Variants in NRXN3 observed in about 807,000 individuals in gnomAD.
The protein encoded by NRXN3 is neurexin 3.
NRXN3 carries 32 observed loss-of-function variants against 137.6 expected under a neutral mutation model. The observed-to-expected ratio is 0.23, with a 90% CI of 0.18 to 0.31. The LOEUF (loss-of-function observed/expected upper bound fraction) is 0.31, where lower values mean the gene tolerates loss of function less well. Ranked by LOEUF, NRXN3 falls within the 10% of genes least tolerant of loss-of-function variation. The pLI is 1.00. For synonymous variants in NRXN3, 798 were observed against 784.5 expected, an observed-to-expected ratio of 1.02 and a Z score of -0.29; for missense variants, 1,574 against 2,062.5, an observed-to-expected ratio of 0.76 and a Z score of 4.59.
rs147395683 is a variant in NRXN3, at chr14:78,948,374, A to G, written c.2276-8868A>G. 7.2e-5 allele frequency among the ~76,000 whole-genome samples: 11 copies of G among 152,208 alleles called. No individual in the cohort carries two copies. The East Asian group carries it at 1.7e-3, about 24-fold the overall frequency. ...CTAGGGTATTCTTGCCCTCACTCCC[A>G]TTTCTTGGTTGCTCTTTCTTGCAGG... On this transcript the variant is annotated intron_variant, in intron 10 of 20. Coordinates refer to ENST00000335750, the MANE Select transcript of NRXN3 (RefSeq NM_001330195.2).
intron 19 of NRXN3, among the ~76,000 whole-genome samples, chr14:79,743,124 C>T (rs2098968291): frequency 6.6e-6 from 1 of 152,026 alleles, no homozygotes; most frequent in South Asian, 2.1e-4. Flanking sequence ...AGGTTCATCA[C>T]ATGATTTTAT....
chr14:78,357,745 A>G (rs779809152), intron 4 of NRXN3, among the ~76,000 whole-genome samples: 4 of 152,228 alleles, frequency 2.6e-5, no homozygotes, highest in Non-Finnish European at 5.9e-5. Flanking sequence ...AGGGCTTAAC[A>G]TTGGATTCAC....
At chr14:79,704,200 G>C (rs2154037536) in intron 19 of NRXN3, among the ~76,000 whole-genome samples, 1 of 152,128 alleles carries the variant, frequency 6.6e-6, no homozygotes, top group East Asian at 1.9e-4. Flanking sequence ...GATCAAAATG[G>C]TTAAATATTA....
At chr14:78,848,790 G>C (rs746291900) in intron 10 of NRXN3, among the ~76,000 whole-genome samples, 1 of 152,124 alleles carries the variant, frequency 6.6e-6, no homozygotes, top group East Asian at 1.9e-4. Context: ...TAGGCAAAAG[G>C]AGATTACAGA....
chr14:78,455,945 A>T (rs555318134), intron 4 of NRXN3, among the ~76,000 whole-genome samples: 1 of 152,326 alleles, frequency 6.6e-6, no homozygotes, highest in Admixed American at 6.5e-5. Context: ...TCAGTTTGGG[A>T]AAGCCTTAGT....
At chr14:78,437,746 C>G (rs957715286) in intron 4 of NRXN3, among the ~76,000 whole-genome samples, 3 of 152,170 alleles carry the variant, frequency 2.0e-5, no homozygotes, top group African/African-American at 7.2e-5. Flanking sequence ...CCTAGACTCA[C>G]TAAAAACTGT....
chr14:78,514,179 A>T (rs2096163089), intron 4 of NRXN3, among the ~76,000 whole-genome samples: 1 of 152,166 alleles, frequency 6.6e-6, no homozygotes, highest in African/African-American at 2.4e-5. Flanking sequence ...TCTCTAGTAA[A>T]CAGTTCCAAG....
At chr14:78,748,629 TCAG>T (rs1331331595) in intron 8 of NRXN3, among the ~76,000 whole-genome samples, 1 of 152,104 alleles carries the variant, frequency 6.6e-6, no homozygotes, top group East Asian at 1.9e-4. Flanking sequence ...CAACCTAGAC[TCAG>T]TGGTAACAGA....
At chr14:79,477,328 G>T (rs2096568902) in intron 16 of NRXN3, among the ~76,000 whole-genome samples, 1 of 152,188 alleles carries the variant, frequency 6.6e-6, no homozygotes, top group African/African-American at 2.4e-5. Context: ...TATGATTTAG[G>T]GGCAATTGGT....
rs971532269 is a variant in NRXN3 at position 78,187,619 on chromosome 14, C to T, written c.-704+16945C>T. Among the ~76,000 whole-genome samples the T allele has an allele frequency of 2.6e-5, 4 of 152,284 alleles. No individual in the cohort carries two copies. In the East Asian group the frequency reaches 5.8e-4, roughly 22 times the overall value. The stretch of plus-strand genomic sequence containing the variant: ...CCACAGTAATAACGATGGCCAAATT[C>T]TGCTAATAGGAAGTCTTCGCTTCTG... On this transcript the variant is annotated intron_variant, in intron 1 of 20. Transcript: ENST00000335750.
intron 1 of NRXN3, among the ~76,000 whole-genome samples, chr14:78,211,204 G>A (rs1279869458): frequency 1.3e-5 from 2 of 152,248 alleles, no homozygotes; most frequent in Non-Finnish European, 2.9e-5. Flanking sequence ...TATTTGGATT[G>A]TAGGAAGAAT....
intron 15 of NRXN3, among the ~76,000 whole-genome samples, chr14:79,096,593 G>C (rs1568277506): frequency 3.0e-5 from 3 of 101,450 alleles, no homozygotes; most frequent in Admixed American, 1.3e-4. Context: ...TGAAAATTGA[G>C]ATAATGTGTA....
chr14:79,007,437 T>TG (rs1324567625), intron 15 of NRXN3, among the ~76,000 whole-genome samples: 7 of 144,688 alleles, frequency 4.8e-5, no homozygotes, highest in Non-Finnish European at 1.1e-4. Context: ...GAATTGTCTC[T>TG]GAAAAAAAAA....
intron 19 of NRXN3, among the ~76,000 whole-genome samples, chr14:79,766,434 T>C (rs1347210192): frequency 6.6e-6 from 1 of 152,192 alleles, no homozygotes. Flanking sequence ...TTCAAAAAGC[T>C]TGTTCCTGAG....
At chr14:78,270,708 T>C (rs2072581297) in intron 2 of NRXN3, among the ~76,000 whole-genome samples, 1 of 152,244 alleles carries the variant, frequency 6.6e-6, no homozygotes, top group South Asian at 2.1e-4. Context: ...GTGCCTGGCA[T>C]TGTGCTGAAC....
chr14:78,184,048 TA>T (rs1230284431), intron 1 of NRXN3, among the ~76,000 whole-genome samples: 2 of 152,192 alleles, frequency 1.3e-5, no homozygotes, highest in Non-Finnish European at 2.9e-5. Context: ...ATTTTCTTAT[TA>T]CAAAATAATA....
At chr14:78,875,727 A>G (rs138812008) in intron 10 of NRXN3, among the ~76,000 whole-genome samples, 12 of 152,372 alleles carry the variant, frequency 7.9e-5, no homozygotes, top group East Asian at 5.8e-4. Flanking sequence ...CAACCCAGTT[A>G]TATCTGTGAA....
At chr14:78,173,459 A>G (rs1178795194) in intron 1 of NRXN3, among the ~76,000 whole-genome samples, 1 of 143,616 alleles carries the variant, frequency 7.0e-6, no homozygotes, top group East Asian at 1.9e-4. Flanking sequence ...GTCTTGGATG[A>G]ACAGTGGAGC....
intron 6 of NRXN3, among the ~76,000 whole-genome samples, chr14:78,656,259 C>T (rs1324436127): frequency 6.6e-6 from 1 of 152,168 alleles, no homozygotes; most frequent in Non-Finnish European, 1.5e-5. Flanking sequence ...TAATGCACAA[C>T]ATGAGGCATT....
Sources: allele counts gnomAD v4.1 joint callset (sites outside exome capture counted in the v4.1 genomes callset), GRCh38; gene constraint gnomAD v4.1.1; transcripts MANE v1.5; gene names NCBI Gene and HGNC (gene_info 2026-07-23, HGNC 2026-07-21).